The following DSG4 variants were observed in gnomAD, a reference collection of about 807,000 sequenced individuals.
DSG4 encodes desmoglein-4.
A neutral mutation model predicts 93.1 loss-of-function variants in DSG4; 87 were observed. That is an observed-to-expected ratio of 0.93 (90% CI 0.79 to 1.12). The LOEUF is 1.12. Ranked by LOEUF, DSG4 falls within the 50% of genes most tolerant of loss-of-function variation. The pLI is 0.00. For synonymous variants in DSG4, 432 were observed against 452.9 expected (o/e 0.95, Z 0.59); for missense variants, 1,373 against 1,285.7 (o/e 1.07, Z -1.04).
chr18:31,385,198 A>G, intron 2 of DSG4, 27 bp downstream of exon 2: 11 of 1,511,208 alleles, frequency 7.3e-6, no homozygotes, highest in Non-Finnish European at 9.9e-6. Context: ...TTATTTTCTC[A>G]ATTTAAAATT....
Position 31,390,682 on chromosome 18 carries a change from A to G in DSG4, c.544A>G (p.Thr182Ala). 6 of 1,613,668 alleles carry G rather than the reference A, an allele frequency of 3.7e-6. No individual in the cohort carries two copies. Among genetic ancestry groups the G allele is most frequent in the Non-Finnish European group, 5.1e-6 (6 of 1,179,672 alleles). Reference sequence around the variant, plus strand: ...TACATTGGTAGTAAAGTTATGTGCCACAGATGCAGATGAAGAAAATCATCT... The same window carrying G: ...TACATTGGTAGTAAAGTTATGTGCCGCAGATGCAGATGAAGAAAATCATCT... Reference protein sequence around the residue: ...ANTLVVKLCATDADEENHLNS... With the variant: ...ANTLVVKLCAADADEENHLNS... The change falls in exon 6 of 16, where the codon ACA (threonine) becomes GCA (alanine). Residue 182 changes from threonine to alanine, a missense_variant. Thr to Ala is a moderately conservative substitution (Grantham distance 58). Transcript: ENST00000308128.
chr18:31,383,214 GGAA>G, intron 1 of DSG4, among the ~76,000 whole-genome samples: 1 of 152,314 alleles, frequency 6.6e-6, no homozygotes, highest in Middle Eastern at 3.4e-3. Context: ...GTCTGAAACA[GGAA>G]GAAGCCAGGG....
At chr18:31,377,082 G>A in intron 1 of DSG4, 123 bp downstream of exon 1, 2 of 1,085,980 alleles carry the variant, frequency 1.8e-6, no homozygotes, top group Non-Finnish European at 2.8e-6. Context: ...GAGAGTTCTA[G>A]AAGTCCAGCC....
chr18:31,387,558 C>T (rs1256710295), intron 3 of DSG4, among the ~76,000 whole-genome samples: 1 of 152,110 alleles, frequency 6.6e-6, no homozygotes, highest in Non-Finnish European at 1.5e-5. Context: ...TCAGTAATTG[C>T]TTTATGTTAT....
chr18:31,410,315 G>A (rs990513280), intron 14 of DSG4, among the ~76,000 whole-genome samples: 1 of 151,462 alleles, frequency 6.6e-6, no homozygotes, highest in African/African-American at 2.4e-5. Flanking sequence ...GTTGCTGTGA[G>A]GAGTAAATAA....
intron 11 of DSG4, among the ~76,000 whole-genome samples, chr18:31,404,582 C>T (rs1368276470): frequency 6.6e-6 from 1 of 152,102 alleles, no homozygotes; most frequent in Non-Finnish European, 1.5e-5. Context: ...CTTCCCACCT[C>T]TTTAAGGTCA....
At chr18:31,386,176 T>C (rs1341759572) in intron 2 of DSG4, among the ~76,000 whole-genome samples, 1 of 152,156 alleles carries the variant, frequency 6.6e-6, no homozygotes, top group Admixed American at 6.5e-5. Context: ...AAAAATATAC[T>C]TGGGTGCTTA....
intron 5 of DSG4, among the ~76,000 whole-genome samples, chr18:31,390,023 G>A (rs2072230852): frequency 6.6e-6 from 1 of 152,138 alleles, no homozygotes; most frequent in South Asian, 2.1e-4. Flanking sequence ...ATTCTGAAAA[G>A]TCTGTCCTGT....
In DSG4 at chr18:31,386,768, C is replaced by T. The variant is rs747237901; in HGVS notation, c.165C>T (p.Ala55=). Residue 55 remains alanine, a synonymous_variant, in exon 3 of 16, where the codon GCC becomes GCT. Coordinates refer to ENST00000308128, the MANE Select transcript of DSG4 (RefSeq NM_177986.5). The stretch of plus-strand genomic sequence containing the variant: ...AAAAGCGGGAGTGGATCAAGTTTGC[C>T]GCAGCCTGTCGAGAAGGAGAGGACA... The part of the protein sequence containing the change: ...RRQKREWIKF[A]AACREGEDNS... 8.7e-6 allele frequency: 14 copies of T among 1,613,238 alleles called. No individual in the cohort carries two copies. The highest frequency in any genetic ancestry group is 1.3e-5 in the African/African-American group (1 of 74,848).
At chr18:31,401,328 A>G (rs1163411658) in intron 10 of DSG4, among the ~76,000 whole-genome samples, 2 of 152,116 alleles carry the variant, frequency 1.3e-5, no homozygotes, top group Non-Finnish European at 2.9e-5. Flanking sequence ...CTTGTAGGGT[A>G]TGTTGGGAAT....
chr18:31,404,235 C>A (rs996715162), intron 11 of DSG4, among the ~76,000 whole-genome samples: 1 of 151,954 alleles, frequency 6.6e-6, no homozygotes, highest in African/African-American at 2.4e-5. Flanking sequence ...TAGAATTATG[C>A]AAAGTATGTA....
chr18:31,387,655 AG>A (rs2072202589), intron 3 of DSG4, among the ~76,000 whole-genome samples: 1 of 152,164 alleles, frequency 6.6e-6, no homozygotes, highest in Non-Finnish European at 1.5e-5. Flanking sequence ...CCTTTGGATT[AG>A]AGTTAAGCTA....
chr18:31,406,019 C>G (rs949218439), intron 11 of DSG4, 58 bp from the exon 12 acceptor site: 2 of 1,597,816 alleles, frequency 1.3e-6, no homozygotes, highest in African/African-American at 1.3e-5. Flanking sequence ...GAGTTAACCA[C>G]CCCCCTAGCC....
intron 1 of DSG4, among the ~76,000 whole-genome samples, chr18:31,377,977 G>A (rs2072094995): frequency 6.6e-6 from 1 of 152,162 alleles, no homozygotes; most frequent in Non-Finnish European, 1.5e-5. Flanking sequence ...GCTAGGGCTG[G>A]GAGAGATGGG....
Position 31,413,312 on chromosome 18 carries a change from A to G in DSG4, c.2840A>G (p.Gln947Arg). ...GTAATGGCACCTGTCTATGATATTC[A>G]AGGGAATATTTGTGTACCTGCTGAG... ...EAVMAPVYDI[Q>R]GNICVPAELA... Residue 947 changes from glutamine to arginine, a missense_variant, in exon 16 of 16, where the codon CAA becomes CGA. By Grantham distance (43) the Gln-to-Arg change is conservative (BLOSUM62 1). Transcript: ENST00000308128. The G allele has an allele frequency of 6.2e-7, 1 of 1,614,142 alleles. No individual in the cohort carries two copies. The highest frequency in any genetic ancestry group is 8.5e-7 in the Non-Finnish European group (1 of 1,180,024).
chr18:31,377,091 C>T (rs1253276590), intron 1 of DSG4, 132 bp downstream of exon 1: 4 of 1,027,410 alleles, frequency 3.9e-6, no homozygotes, highest in Middle Eastern at 4.1e-4. Context: ...AGAAGTCCAG[C>T]CTCTGTTAAT....
chr18:31,384,145 CTAA>C (rs1202555848), intron 1 of DSG4, among the ~76,000 whole-genome samples: 2 of 152,068 alleles, frequency 1.3e-5, no homozygotes, highest in Non-Finnish European at 2.9e-5. Context: ...TTGTTTAATT[CTAA>C]TAATAAGTAA....
intron 8 of DSG4, among the ~76,000 whole-genome samples, chr18:31,392,614 T>C (rs1245167101): frequency 6.6e-6 from 1 of 152,088 alleles, no homozygotes; most frequent in Non-Finnish European, 1.5e-5. Context: ...AATTAGAAGA[T>C]ATATGGGAGT....
chr18:31,399,131 T>C, intron 8 of DSG4, 141 bp from the exon 9 acceptor site: 2 of 1,027,030 alleles, frequency 1.9e-6, no homozygotes, highest in South Asian at 1.5e-5. Context: ...CAGTAATAAG[T>C]AAAATTTTTT....
Sources: gnomAD v4.1 joint callset for allele counts (sites outside exome capture counted in the v4.1 genomes callset) on GRCh38, gnomAD v4.1.1 for gene constraint, MANE v1.5 for transcripts, NCBI Gene and HGNC (gene_info 2026-07-23, HGNC 2026-07-21) for gene names.